The following ANKRD61 variants were observed in gnomAD, a reference collection of about 807,000 sequenced individuals.
The protein encoded by ANKRD61 is ankyrin repeat domain-containing protein 61.
A neutral mutation model predicts 8.4 loss-of-function variants in ANKRD61; 7 were observed. The observed-to-expected ratio is 0.84, with a 90% CI of 0.48 to 1.57. The LOEUF (loss-of-function observed/expected upper bound fraction) is 1.57, where lower values mean the gene tolerates loss of function less well. Ranked by LOEUF, ANKRD61 falls within the 40% of genes most tolerant of loss-of-function variation. The pLI is 0.00. For synonymous variants in ANKRD61, 198 were observed against 208.0 expected (o/e 0.95, Z 0.41); for missense variants, 516 against 523.4 (o/e 0.99, Z 0.14).
In ANKRD61 at chr7:6,035,693, C is replaced by T; in HGVS notation, c.564C>T (p.Thr188=). 1 of 1,550,626 alleles carries T rather than the reference C, an allele frequency of 6.4e-7. No individual in the cohort carries two copies. Among genetic ancestry groups the T allele is most frequent in the South Asian group, 1.2e-5 (1 of 84,052 alleles). Residue 188 remains threonine, a synonymous_variant, in exon 3 of 3, where the codon ACC becomes ACT. Transcript: ENST00000409061. This position sits in a 1 kb window ranked among gnomAD's most constrained non-coding sequence, Gnocchi z 5.5. ...GCTATCCAGTTCTCTCCATTTTGAC[C>T]CAAAATGGTGCCGATGTCAATGCTA... ...YGCYPVLSIL[T]QNGADVNAIN... is the part of the protein sequence containing the mutation.
chr7:6,034,844 C>T (rs538653237), intron 2 of ANKRD61, among the ~76,000 whole-genome samples: 85 of 152,202 alleles, frequency 5.6e-4, no homozygotes, highest in Admixed American at 6.5e-5. Context: ...GAATGAACTT[C>T]GGAATGACCA....
chr7:6,031,646 A>G (rs4724770), intron 1 of ANKRD61, 55 bp downstream of exon 1: 1,236,707 of 1,519,166 alleles, frequency 0.81, 505,018 homozygotes, highest in East Asian at 0.93. Context: ...GCTTAGAAAG[A>G]AGCATGATCT....
In ANKRD61 at chr7:6,035,195, CA is replaced by C. The variant is rs57414585; in HGVS notation, c.315-238del. Among the ~76,000 whole-genome samples the C allele has an allele frequency of 2.8e-4, 41 of 144,902 alleles. No individual in the cohort carries two copies. Among genetic ancestry groups the C allele is most frequent in the African/African-American group, 7.3e-4 (29 of 39,682 alleles). Reference sequence around the variant, plus strand: ...TTGTATAAAAGTGAAAATAATTTTTCAAAAAAAAAAATTATATATACATAAA... The same window carrying C: ...TTGTATAAAAGTGAAAATAATTTTTCAAAAAAAAAATTATATATACATAAA... On this transcript the variant is annotated intron_variant, in intron 2 of 2. Transcript: ENST00000409061. The surrounding 1 kb of genome is among the most constrained non-coding windows in gnomAD (Gnocchi z 5.5).
rs1009516207 is a variant in ANKRD61 at position 6,032,474 on chromosome 7, T to C, written c.217-365T>C. Reference sequence around the variant, plus strand: ...ACGACTTTGGCAACGACACAGCACCTACTTGTCCATCACCCTGTGGGTTAA... The same window carrying C: ...ACGACTTTGGCAACGACACAGCACCCACTTGTCCATCACCCTGTGGGTTAA... On this transcript the variant is annotated intron_variant, in intron 1 of 2. Transcript: ENST00000409061. The surrounding 1 kb of genome is among the most constrained non-coding windows in gnomAD (Gnocchi z 4.3). Among the ~76,000 whole-genome samples the C allele has an allele frequency of 6.6e-6, 1 of 152,246 alleles. No individual in the cohort carries two copies. The highest frequency in any genetic ancestry group is 1.5e-5 in the Non-Finnish European group (1 of 68,048).
rs1326158392 is a variant in ANKRD61, at chr7:6,035,650, T to A, written c.521T>A (p.Leu174Gln). Reference sequence around the variant, plus strand: ...AGCAACAAACGTTCACCACTCCACCTGGCCATAGCATATGGTTGCTATCCA... The same window carrying A: ...AGCAACAAACGTTCACCACTCCACCAGGCCATAGCATATGGTTGCTATCCA... The part of the protein sequence containing the change: ...EISNKRSPLH[L>Q]AIAYGCYPVL... The change falls in exon 3 of 3, where the codon CTG becomes CAG. Residue 174 changes from leucine to glutamine, a missense_variant. Physicochemically the swap from Leu to Gln is moderately radical, Grantham distance 113. Coordinates refer to ENST00000409061, the MANE Select transcript of ANKRD61 (RefSeq NM_001271700.2). This position sits in a 1 kb window ranked among gnomAD's most constrained non-coding sequence, Gnocchi z 5.5. 7 of 1,550,612 alleles carry A rather than the reference T, an allele frequency of 4.5e-6. No homozygotes were observed. In the African/African-American group the frequency reaches 8.2e-5, roughly 18 times the overall value.
rs1787989098 is a variant in ANKRD61, at chr7:6,033,947, T to C, written c.314+1011T>C. 6.6e-6 allele frequency among the ~76,000 whole-genome samples: 1 copy of C among 152,106 alleles called. No homozygotes were observed. Among genetic ancestry groups the C allele is most frequent in the Non-Finnish European group, 1.5e-5 (1 of 68,012 alleles). ...GAGAAGTTGACCTTGTGCACCACTG[T>C]ATCTCCAGCACCTCAACCAAATCAA... On this transcript the variant is annotated intron_variant, in intron 2 of 2. Transcript: ENST00000409061. The surrounding 1 kb of genome is among the most constrained non-coding windows in gnomAD (Gnocchi z 4.4).
rs1422862292 is a variant in ANKRD61 at position 6,032,352 on chromosome 7, T to A, written c.217-487T>A. Among the ~76,000 whole-genome samples the A allele has an allele frequency of 2.0e-5, 3 of 152,234 alleles. No individual in the cohort carries two copies. On this transcript the variant is annotated intron_variant, in intron 1 of 2. Transcript: ENST00000409061. This position sits in a 1 kb window ranked among gnomAD's most constrained non-coding sequence, Gnocchi z 4.3. ...GAAACCACTACTTACACGTGTGTATTTTAAGAGCTGGCACAAACAGCTCTG... is the reference window on the plus strand; with the variant it reads ...GAAACCACTACTTACACGTGTGTATATTAAGAGCTGGCACAAACAGCTCTG...
chr7:6,031,734 T>C (rs1288493287), intron 1 of ANKRD61, 143 bp downstream of exon 1: 20 of 787,758 alleles, frequency 2.5e-5, no homozygotes, highest in Non-Finnish European at 4.0e-6. Context: ...CACACTGCAG[T>C]GCTCCCCAAA....
At position 6,035,530 on chromosome 7, in the gene ANKRD61, C is replaced by T. The variant is rs565373057; in HGVS notation, c.401C>T (p.Thr134Met). The T allele has an allele frequency of 5.1e-4, 793 of 1,551,084 alleles. 2 individuals are homozygous for T. Among genetic ancestry groups the T allele is most frequent in the Non-Finnish European group, 6.4e-4 (731 of 1,147,138 alleles). ...ACGTGGGCAAAACCAGGCAACAGAA[C>T]GCACAGGATCCTGACAGACATTCAG... is the stretch of plus-strand genomic sequence containing the variant. Reference protein sequence around the residue: ...STTWAKPGNRTHRILTDIQNS... With the variant: ...STTWAKPGNRMHRILTDIQNS... The change falls in exon 3 of 3, where the codon ACG becomes ATG. Residue 134 changes from threonine to methionine, a missense_variant. By Grantham distance (81) the Thr-to-Met change is moderately conservative. Coordinates refer to ENST00000409061, the MANE Select transcript of ANKRD61 (RefSeq NM_001271700.2). The surrounding 1 kb of genome is among the most constrained non-coding windows in gnomAD (Gnocchi z 5.5).
At chr7:6,031,802 C>T (rs1787920267) in intron 1 of ANKRD61, among the ~76,000 whole-genome samples, 1 of 152,162 alleles carries the variant, frequency 6.6e-6, no homozygotes. Context: ...AAACACCAGA[C>T]CCTGTGTGAC....
Position 6,036,254 on chromosome 7 carries a change from C to A in ANKRD61, c.1125C>A (p.Ser375=), listed in dbSNP as rs572563775. 54 of 1,550,136 alleles carry A rather than the reference C, an allele frequency of 3.5e-5. No homozygotes were observed. In the African/African-American group the frequency reaches 6.8e-4, roughly 20 times the overall value. ...TAAAGCAATCGCAAAAACCTTTATCCCTACAGGGTATCTGCAAAAGAAACA... is the reference window on the plus strand; with the variant it reads ...TAAAGCAATCGCAAAAACCTTTATCACTACAGGGTATCTGCAAAAGAAACA... ...TLIKQSQKPL[S]LQGICKRNIR... The change falls in exon 3 of 3, where the codon TCC becomes TCA. Residue 375 remains serine (S), a synonymous_variant. Coordinates refer to ENST00000409061, the MANE Select transcript of ANKRD61 (RefSeq NM_001271700.2). The surrounding 1 kb of genome is among the most constrained non-coding windows in gnomAD (Gnocchi z 4.6).
Position 6,035,861 on chromosome 7 carries a change from C to T in ANKRD61, c.732C>T (p.Cys244=), listed in dbSNP as rs781648283. Reference sequence around the variant, plus strand: ...ACACGCCCCTGAAGCTTGCAGTGTGCACTGCATCAAGCAAAGCAGGCCGAC... The same window carrying T: ...ACACGCCCCTGAAGCTTGCAGTGTGTACTGCATCAAGCAAAGCAGGCCGAC... ...TGNTPLKLAV[C]TASSKAGRLL... Residue 244 remains cysteine, a synonymous_variant, in exon 3 of 3, where the codon TGC becomes TGT. Transcript: ENST00000409061. The surrounding 1 kb of genome is among the most constrained non-coding windows in gnomAD (Gnocchi z 5.5). 2 of 1,547,750 alleles carry T rather than the reference C, an allele frequency of 1.3e-6. No homozygotes were observed. Among genetic ancestry groups the T allele is most frequent in the Non-Finnish European group, 1.7e-6 (2 of 1,145,142 alleles).
chr7:6,035,587 GTGCGCA>G lies in ANKRD61; in HGVS notation c.459_464del (p.Ala154_His155del). 5 of 1,551,118 alleles carry G rather than the reference GTGCGCA, an allele frequency of 3.2e-6. No individual in the cohort carries two copies. The highest frequency in any genetic ancestry group is 4.4e-6 in the Non-Finnish European group (5 of 1,147,112). On this transcript the variant is annotated inframe_deletion, in exon 3 of 3. Transcript: ENST00000409061. The surrounding 1 kb of genome is among the most constrained non-coding windows in gnomAD (Gnocchi z 5.5). Reference sequence around the variant, plus strand: ...AGCATCACATGTCTCCGCATCTTGTGTGCGCACGGAGCTCAAGTGAACACTCAAGGG... The same window carrying G: ...AGCATCACATGTCTCCGCATCTTGTGCGGAGCTCAAGTGAACACTCAAGGG...
At chr7:6,034,570 GTTTCAC>G (rs1788021741) in intron 2 of ANKRD61, among the ~76,000 whole-genome samples, 6 of 152,132 alleles carry the variant, frequency 3.9e-5, no homozygotes, top group Admixed American at 2.6e-4. Context: ...TTACTGAGCT[GTTTCAC>G]TGTTTCACGT....
In ANKRD61 at chr7:6,035,443, G is replaced by C; in HGVS notation, c.315-1G>C. The C allele has an allele frequency of 6.5e-7, 1 of 1,548,546 alleles. No homozygotes were observed. The highest frequency in any genetic ancestry group is 8.7e-7 in the Non-Finnish European group (1 of 1,145,318). On this transcript the variant is annotated splice_acceptor_variant, in intron 2 of 2. Transcript: ENST00000409061. LOFTEE classifies it high-confidence loss of function. The surrounding 1 kb of genome is among the most constrained non-coding windows in gnomAD (Gnocchi z 5.5). ...TAACGTGTAATCAATACCCATTCTA[G>C]GGACACGACAGGCCTCACCACACTC...
At position 6,031,481 on chromosome 7, in the gene ANKRD61, A is replaced by T. The variant is rs1787910150; in HGVS notation, c.106A>T (p.Ile36Phe). 6.4e-7 allele frequency: 1 copy of T among 1,550,642 alleles called. No homozygotes were observed. The highest frequency in any genetic ancestry group is 8.7e-7 in the Non-Finnish European group (1 of 1,147,026). ...AALHSKLYEA[I>F]MREDCTTIEV... ...ACTTCACTCGAAACTCTATGAAGCCATCATGAGAGAAGACTGCACTACGAT... is the reference window on the plus strand; with the variant it reads ...ACTTCACTCGAAACTCTATGAAGCCTTCATGAGAGAAGACTGCACTACGAT... Residue 36 changes from isoleucine (I) to phenylalanine (F), a missense_variant, in exon 1 of 3, where the codon ATC becomes TTC. Coordinates refer to ENST00000409061, the MANE Select transcript of ANKRD61 (RefSeq NM_001271700.2).
In ANKRD61 at chr7:6,035,503, C is replaced by T; in HGVS notation, c.374C>T (p.Thr125Ile). The change falls in exon 3 of 3, where the codon ACC becomes ATC. Residue 125 changes from threonine (T) to isoleucine (I), a missense_variant. Thr to Ile is a moderately conservative substitution (Grantham distance 89, BLOSUM62 -1). Coordinates refer to ENST00000409061, the MANE Select transcript of ANKRD61 (RefSeq NM_001271700.2). The surrounding 1 kb of genome is among the most constrained non-coding windows in gnomAD (Gnocchi z 5.5). ...LMLLHWPVTS[T>I]TWAKPGNRTH... ...CTACTGCACTGGCCAGTCACTTCCA[C>T]CACGTGGGCAAAACCAGGCAACAGA... 1.3e-6 allele frequency: 2 copies of T among 1,551,168 alleles called. No homozygotes were observed. Among genetic ancestry groups the T allele is most frequent in the Non-Finnish European group, 8.7e-7 (1 of 1,147,120 alleles).
At position 6,036,006 on chromosome 7, in the gene ANKRD61, A is replaced by G. The variant is rs1445993782; in HGVS notation, c.877A>G (p.Ile293Val). ...HEACFGGREAIINLLLEFEAN... is the reference protein window; with the variant it reads ...HEACFGGREAVINLLLEFEAN... The stretch of plus-strand genomic sequence containing the variant: ...GGCATGCTTTGGAGGCAGAGAGGCA[A>G]TCATCAATCTCCTGCTTGAATTTGA... The change falls in exon 3 of 3, where the codon ATC becomes GTC. Residue 293 changes from isoleucine to valine, a missense_variant. Transcript: ENST00000409061. This position sits in a 1 kb window ranked among gnomAD's most constrained non-coding sequence, Gnocchi z 4.6. The G allele has an allele frequency of 3.2e-6, 5 of 1,551,020 alleles. No individual in the cohort carries two copies. The highest frequency in any genetic ancestry group is 2.7e-5 in the African/African-American group (2 of 73,042).
chr7:6,035,415 G>C lies in ANKRD61; in HGVS notation c.315-29G>C, dbSNP rs1271187797. The stretch of plus-strand genomic sequence containing the variant: ...TAGAGCCGTTCCCACTGTGAATTCA[G>C]TGTAACGTGTAATCAATACCCATTC... On this transcript the variant is annotated intron_variant, in intron 2 of 2. Transcript: ENST00000409061. The surrounding 1 kb of genome is among the most constrained non-coding windows in gnomAD (Gnocchi z 5.5). The C allele has an allele frequency of 1.3e-6, 2 of 1,531,604 alleles. No homozygotes were observed. The highest frequency in any genetic ancestry group is 1.4e-5 in the African/African-American group (1 of 72,726). 94.9% of individuals were successfully genotyped at this position (1,531,604 alleles called of 1,614,324 possible).
Sources: gnomAD v4.1 joint callset for allele counts (sites outside exome capture counted in the v4.1 genomes callset) on GRCh38, gnomAD v4.1.1 for gene constraint, Gnocchi (gnomAD v3.1) non-coding constraint, MANE v1.5 for transcripts, NCBI Gene and HGNC (gene_info 2026-07-23, HGNC 2026-07-21) for gene names.